The following TRIM14 variants were observed in gnomAD, a reference collection of about 807,000 sequenced individuals.
TRIM14 encodes the protein tripartite motif containing 14.
TRIM14 carries 28 observed loss-of-function variants against 44.5 expected under a neutral mutation model. That is an observed-to-expected ratio of 0.63 (90% confidence interval 0.47 to 0.86). The LOEUF (loss-of-function observed/expected upper bound fraction) is 0.86. TRIM14 is among the 40% of genes least tolerant of loss of function. The pLI, the probability that TRIM14 is intolerant of heterozygous loss-of-function variation, is 0.00. For missense variants in TRIM14, 607 were observed against 611.1 expected (o/e 0.99, Z 0.07); for synonymous variants, 299 against 269.2 (o/e 1.11, Z -1.08).
At chr9:98,089,217 C>T (rs574672390) in intron 5 of TRIM14, among the ~76,000 whole-genome samples, 6 of 152,062 alleles carry the variant, frequency 3.9e-5, no homozygotes, top group Non-Finnish European at 7.4e-5. Context: ...ACTCTTGTTG[C>T]CCGGGCTGGA....
chr9:98,083,193 T>G, downstream of TRIM14: 1 of 782,262 alleles, frequency 1.3e-6, no homozygotes, highest in Non-Finnish European at 2.0e-6. Flanking sequence ...ACAGCAGATG[T>G]TTCTGGGCTA....
At position 98,114,981 on chromosome 9, in the gene TRIM14, T is replaced by C. The variant is rs191636420; in HGVS notation, c.207+4001A>G. 4.1e-4 allele frequency among the ~76,000 whole-genome samples: 63 copies of C among 152,354 alleles called. 1 individual carries two copies. The East Asian group carries it at 0.011, about 26-fold the overall frequency. ...AAATTTTTTCTTTTGTCACAGCAAC[T>C]GGATAAAAGATACTTTTGTGAGCAA... On this transcript the variant is annotated intron_variant, in intron 1 of 5. Transcript: ENST00000341469.
chr9:98,064,735 T>C (rs930223977), downstream of TRIM14, among the ~76,000 whole-genome samples: 8 of 152,198 alleles, frequency 5.3e-5, no homozygotes, highest in East Asian at 1.3e-3. Context: ...ATCTGATGCC[T>C]AGAGCAGTAT....
chr9:98,083,821 T>C (rs930745833), downstream of TRIM14, among the ~76,000 whole-genome samples: 1 of 152,200 alleles, frequency 6.6e-6, no homozygotes, highest in Admixed American at 6.6e-5. Context: ...CCCAACTACT[T>C]AGGAGGCTGA....
the TRIM14 span, among the ~76,000 whole-genome samples, chr9:98,061,653 G>A: frequency 2.7e-5 from 4 of 146,168 alleles, no homozygotes; most frequent in Admixed American, 1.4e-4. Context: ...GGTGGCATGC[G>A]TCTGTAGTCC....
chr9:98,042,214 A>G, the TRIM14 span, among the ~76,000 whole-genome samples: 2 of 148,218 alleles, frequency 1.3e-5, no homozygotes, highest in South Asian at 2.2e-4. Context: ...AATGGCGTGA[A>G]CCCAGGAGGC....
chr9:98,100,536 A>C (rs1826351625), intron 2 of TRIM14, among the ~76,000 whole-genome samples: 1 of 152,214 alleles, frequency 6.6e-6, no homozygotes, highest in African/African-American at 2.4e-5. Context: ...AAATTATTAA[A>C]TCATTAGGAG....
the TRIM14 span, chr9:98,060,963 T>C: frequency 2.5e-6 from 4 of 1,613,662 alleles, no homozygotes; most frequent in Admixed American, 3.3e-5. Context: ...GCCGAGGAGG[T>C]TGGGATCTTC....
intron 1 of TRIM14, among the ~76,000 whole-genome samples, chr9:98,111,063 A>G (rs1057113729): frequency 6.6e-6 from 1 of 151,452 alleles, no homozygotes; most frequent in Non-Finnish European, 1.5e-5. Context: ...CCCCCCAAAA[A>G]AAAACAATTA....
At chr9:98,060,199 A>G in the TRIM14 span, among the ~76,000 whole-genome samples, 2 of 152,234 alleles carry the variant, frequency 1.3e-5, no homozygotes, top group African/African-American at 2.4e-5. Context: ...AATATTTACA[A>G]TGCAAAACAA....
chr9:98,073,828 C>T (rs998417995), intron 6 of TRIM14, among the ~76,000 whole-genome samples: 1 of 151,956 alleles, frequency 6.6e-6, no homozygotes, highest in African/African-American at 2.4e-5. Flanking sequence ...GTTTTGTCAC[C>T]CAGGCTGGAG....
the TRIM14 span, among the ~76,000 whole-genome samples, chr9:98,063,171 G>A: frequency 3.3e-5 from 5 of 151,422 alleles, no homozygotes; most frequent in African/African-American, 1.2e-4. Flanking sequence ...CAGCCCATCC[G>A]CCCGCCCCAG....
the TRIM14 span, among the ~76,000 whole-genome samples, chr9:98,050,257 T>C: frequency 6.6e-6 from 1 of 152,248 alleles, no homozygotes; most frequent in Non-Finnish European, 1.5e-5. Flanking sequence ...AGCTTTAGGC[T>C]AAACTTGATT....
intron 1 of TRIM14, among the ~76,000 whole-genome samples, chr9:98,110,848 A>AAAAAAAAAATAAAAT (rs1554738601): frequency 1.5e-5 from 2 of 130,528 alleles, no homozygotes; most frequent in South Asian, 5.0e-4. Context: ...CTCTACCACA[A>AAAAAAAAAATAAAAT]AAAATAAAAT....
chr9:98,093,072 A>G (rs1040248977), intron 4 of TRIM14, among the ~76,000 whole-genome samples: 1 of 152,154 alleles, frequency 6.6e-6, no homozygotes, highest in Non-Finnish European at 1.5e-5. Flanking sequence ...CAACTTCTCA[A>G]ATCTAACAGG....
chr9:98,090,586 A>G (rs1825958953), intron 5 of TRIM14, among the ~76,000 whole-genome samples: 1 of 132,560 alleles, frequency 7.5e-6, no homozygotes, highest in Non-Finnish European at 1.6e-5. Flanking sequence ...TTTTTTTAAG[A>G]CGGAGTCTTG....
chr9:98,066,653 AT>A (rs35815359), downstream of TRIM14, among the ~76,000 whole-genome samples: 878 of 143,244 alleles, frequency 6.1e-3, 1 homozygote, highest in Non-Finnish European at 8.3e-3. Context: ...CCACTTACCG[AT>A]TTTTTTTTTT....
At position 98,091,490 on chromosome 9, in the gene TRIM14, C is replaced by T. The variant is rs1029559106; in HGVS notation, c.793+419G>A. ...ATAATATTAGCTGGGCACAGTGGCT[C>T]ACTGTATAAATCCCAAATATATATA... On this transcript the variant is annotated intron_variant, in intron 5 of 5. Coordinates refer to ENST00000341469, the MANE Select transcript of TRIM14 (RefSeq NM_014788.4). Among the ~76,000 whole-genome samples the T allele has an allele frequency of 3.3e-5, 5 of 152,184 alleles. No individual in the cohort carries two copies. In the East Asian group the frequency reaches 9.6e-4, roughly 29 times the overall value.
At chr9:98,051,069 C>T in the TRIM14 span, among the ~76,000 whole-genome samples, 9,709 of 152,242 alleles carry the variant, frequency 0.064, 488 homozygotes, top group South Asian at 0.22. Context: ...CCACCACACC[C>T]GGCATGGTTG....
Sources: gnomAD v4.1 joint callset for allele counts (sites outside exome capture counted in the v4.1 genomes callset) on GRCh38, gnomAD v4.1.1 for gene constraint, MANE v1.5 for transcripts, NCBI Gene and HGNC (gene_info 2026-07-23, HGNC 2026-07-21) for gene names.